ZNF335: variants seen among roughly 807,000 people sequenced by gnomAD.
ZNF335 encodes the protein NRC-interacting factor 1.
Under a neutral mutation model 145.6 loss-of-function variants are expected in ZNF335, and 84 were observed. The ratio of observed to expected loss-of-function variants is 0.58; its 90% CI spans 0.48 to 0.69. The LOEUF (loss-of-function observed/expected upper bound fraction) is 0.69, where lower values mean the gene tolerates loss of function less well. Ranked by LOEUF, ZNF335 falls within the 30% of genes least tolerant of loss-of-function variation. ZNF335 has a pLI of 0.00. For synonymous variants in ZNF335, 761 were observed against 717.0 expected (o/e 1.06, Z -0.98); for missense variants, 1,865 against 1,809.7 (o/e 1.03, Z -0.55).
At chr20:45,963,692 T>A in intron 8 of ZNF335, 42 bp from the exon 9 acceptor site, 1 of 1,613,850 alleles carries the variant, frequency 6.2e-7, no homozygotes, top group Non-Finnish European at 8.5e-7. Context: ...GTGGGGTTGG[T>A]GGCTTAACCA....
rs746029511 is a variant in ZNF335 at position 45,960,879 on chromosome 20, CT to C, written c.1649del (p.Lys550ArgfsTer10). On this transcript the variant is annotated frameshift_variant and splice_region_variant, in exon 11 of 28. Transcript: ENST00000322927. LOFTEE classifies it high-confidence loss of function. Reference sequence around the variant, plus strand: ...CCAGACTCACCGGATCTGGCCTCTTCTTCCTGTGGGGAAAAGGCCGAGGAAT... The same window carrying C: ...CCAGACTCACCGGATCTGGCCTCTTCTCCTGTGGGGAAAAGGCCGAGGAAT... The part of the protein sequence containing the change: ...RHAAVHSRDR[K>X]KRPDPTPKLS... 1 of 1,613,822 alleles carries C rather than the reference CT, an allele frequency of 6.2e-7. No individual in the cohort carries two copies.
At chr20:45,962,859 G>T (rs998491738) in intron 9 of ZNF335, among the ~76,000 whole-genome samples, 1 of 144,194 alleles carries the variant, frequency 6.9e-6, no homozygotes, top group Admixed American at 6.9e-5. Context: ...TGTTGCCCAG[G>T]CTGGAGTGCA....
chr20:45,957,398 G>A (rs1464522048), intron 17 of ZNF335, among the ~76,000 whole-genome samples, 188 bp downstream of exon 17: 1 of 152,254 alleles, frequency 6.6e-6, no homozygotes, highest in South Asian at 2.1e-4. Context: ...ATACCCTGCG[G>A]CCTCCGTGGC....
rs376254879 is a variant in ZNF335, at chr20:45,968,315, G to C, written c.490C>G (p.Arg164Gly). Residue 164 changes from arginine to glycine, a missense_variant, in exon 4 of 28, where the codon CGG becomes GGG. Transcript: ENST00000322927. ...SAEDGGAETT[R>G]YLILQGPDDG... ...TCTGGGCCCTGTAGGATCAGGTACCGTGTGGTCTCGGCCCCGCCATCCTCA... is the reference window on the plus strand; with the variant it reads ...TCTGGGCCCTGTAGGATCAGGTACCCTGTGGTCTCGGCCCCGCCATCCTCA... 5 of 1,613,310 alleles carry C rather than the reference G, an allele frequency of 3.1e-6. No individual in the cohort carries two copies. The highest frequency in any genetic ancestry group is 4.2e-6 in the Non-Finnish European group (5 of 1,179,618).
intron 4 of ZNF335, 48 bp downstream of exon 4, chr20:45,968,237 C>G: frequency 6.3e-7 from 1 of 1,583,978 alleles, no homozygotes. Context: ...CCTCACCTAT[C>G]CCCCTGCCCA....
chr20:45,955,886 AAACGAAAG>A (rs2083720128), intron 17 of ZNF335, among the ~76,000 whole-genome samples: 1 of 152,180 alleles, frequency 6.6e-6, no homozygotes, highest in Admixed American at 6.5e-5. Context: ...AATTAATATA[AAACGAAAG>A]AACCCAGCCA....
chr20:45,953,484 T>G (rs1359873468), intron 18 of ZNF335, among the ~76,000 whole-genome samples: 1 of 152,204 alleles, frequency 6.6e-6, no homozygotes, highest in Non-Finnish European at 1.5e-5. Context: ...TTAGGTCCCA[T>G]CATGAGTGCC....
Position 45,952,748 on chromosome 20 carries a change from C to G in ZNF335, c.2703-39G>C, listed in dbSNP as rs372552650. The G allele has an allele frequency of 1.1e-5, 17 of 1,583,916 alleles. No individual in the cohort carries two copies. The African/African-American group carries it at 2.0e-4, about 19-fold the overall frequency. The stretch of plus-strand genomic sequence containing the variant: ...GAAGGTTCTAGGAGAAGATGGAGGG[C>G]CACAGGAGCCCCCTTCCCCAAGCAA... On this transcript the variant is annotated intron_variant, in intron 18 of 27. Coordinates refer to ENST00000322927, the MANE Select transcript of ZNF335 (RefSeq NM_022095.4).
chr20:45,972,167 A>G lies in ZNF335; in HGVS notation c.-96T>C. The G allele has an allele frequency of 7.8e-7, 1 of 1,289,310 alleles. No homozygotes were observed. Among genetic ancestry groups the G allele is most frequent in the Non-Finnish European group, 1.0e-6 (1 of 988,654 alleles). The allele number at this position is 1,289,310 out of a possible 1,614,324, so 79.9% of individuals were successfully genotyped here. On this transcript the variant is annotated 5_prime_UTR_variant, in exon 1 of 28. Coordinates refer to ENST00000322927, the MANE Select transcript of ZNF335 (RefSeq NM_022095.4). Reference sequence around the variant, plus strand: ...TTCCTCTCTGACTCCGGCATCGACGAGGTCGCCATCCTCTTTCCTCCGCTG... The same window carrying G: ...TTCCTCTCTGACTCCGGCATCGACGGGGTCGCCATCCTCTTTCCTCCGCTG...
chr20:45,971,894 C>A (rs765492672), intron 1 of ZNF335: 39 of 985,294 alleles, frequency 4.0e-5, no homozygotes, highest in Non-Finnish European at 4.2e-5. Context: ...CGGGGCCTGG[C>A]GATTTGGGGC....
At position 45,966,551 on chromosome 20, in the gene ZNF335, C is replaced by CTT. The variant is rs34666532; in HGVS notation, c.956-779_956-778dup. ...AGCAAGACTCTGTTTCTTTTTCTTT[C>CTT]TTTTTTTTTTTTTTTCTGAGACAGA... is the stretch of plus-strand genomic sequence containing the variant. On this transcript the variant is annotated intron_variant, in intron 6 of 27. Transcript: ENST00000322927. Among the ~76,000 whole-genome samples, 1,155 of 140,548 alleles carry CTT rather than the reference C, an allele frequency of 8.2e-3. 19 individuals carry two copies. The highest frequency in any genetic ancestry group is 0.027 in the African/African-American group (1,015 of 38,034). The allele number at this position is 140,548 out of a possible 152,430, so 92.2% of individuals were successfully genotyped here.
intron 17 of ZNF335, among the ~76,000 whole-genome samples, chr20:45,956,442 G>A (rs930458837): frequency 1.5e-4 from 23 of 151,982 alleles, no homozygotes; most frequent in African/African-American, 5.6e-4. Context: ...TGGTCAGGCT[G>A]GTCTCGAACT....
chr20:45,965,350 T>C (rs894568939), intron 7 of ZNF335, among the ~76,000 whole-genome samples: 24 of 152,242 alleles, frequency 1.6e-4, no homozygotes, highest in Admixed American at 5.9e-4. Context: ...ATTTAAAACT[T>C]ATCTTACGCA....
chr20:45,971,093 C>A, intron 2 of ZNF335, 117 bp downstream of exon 2: 2 of 1,413,804 alleles, frequency 1.4e-6, no homozygotes, highest in Non-Finnish European at 1.9e-6. Flanking sequence ...GTGCCTGGCT[C>A]ACAGTAAACC....
At chr20:45,956,508 A>G (rs1004769532) in intron 17 of ZNF335, among the ~76,000 whole-genome samples, 3 of 152,084 alleles carry the variant, frequency 2.0e-5, no homozygotes, top group African/African-American at 4.8e-5. Context: ...GATTACAGGC[A>G]TAAGCCACCA....
intron 20 of ZNF335, among the ~76,000 whole-genome samples, chr20:45,951,162 G>A (rs1193458473): frequency 2.0e-5 from 3 of 152,264 alleles, no homozygotes; most frequent in South Asian, 2.1e-4. Context: ...AAAGTGCTGG[G>A]ATAAGAGGTG....
In ZNF335 at chr20:45,960,226, C is replaced by T. The variant is rs762687227; in HGVS notation, c.2002G>A (p.Val668Met). 7 of 1,614,148 alleles carry T rather than the reference C, an allele frequency of 4.3e-6. No individual in the cohort carries two copies. Among genetic ancestry groups the T allele is most frequent in the South Asian group, 1.1e-5 (1 of 91,074 alleles). ...TFREDFLLSHVAVKHTGAKPF... is the reference protein window; with the variant it reads ...TFREDFLLSHMAVKHTGAKPF... The stretch of plus-strand genomic sequence containing the variant: ...GCCTGACCTGTGTGCTTGACAGCCA[C>T]ATGGGACAGCAAGAAGTCCTCTCGG... Residue 668 changes from valine to methionine, a missense_variant, in exon 14 of 28, where the codon GTG becomes ATG. Transcript: ENST00000322927.
Position 45,968,379 on chromosome 20 carries a change from A to T in ZNF335, c.443-17T>A. 1 of 1,605,356 alleles carries T rather than the reference A, an allele frequency of 6.2e-7. No individual in the cohort carries two copies. The highest frequency in any genetic ancestry group is 8.5e-7 in the Non-Finnish European group (1 of 1,173,334). Reference sequence around the variant, plus strand: ...TGATGCAGTCTGGGCAGAGATGGGGAAGGGTCACACCTCCTGGGGAGGGGG... The same window carrying T: ...TGATGCAGTCTGGGCAGAGATGGGGTAGGGTCACACCTCCTGGGGAGGGGG... On this transcript the variant is annotated splice_polypyrimidine_tract_variant and intron_variant, in intron 3 of 27. Transcript: ENST00000322927.
chr20:45,957,701 G>T, intron 16 of ZNF335, 21 bp from the exon 17 acceptor site: 1 of 1,613,554 alleles, frequency 6.2e-7, no homozygotes, highest in Non-Finnish European at 8.5e-7. Flanking sequence ...TGGGACCTAA[G>T]CCTGACAAAG....
Sources: allele counts gnomAD v4.1 joint callset (sites outside exome capture counted in the v4.1 genomes callset), GRCh38; gene constraint gnomAD v4.1.1; transcripts MANE v1.5; gene names NCBI Gene and HGNC (gene_info 2026-07-23, HGNC 2026-07-21).